Variants in AEN observed in about 807,000 individuals in gnomAD.
The protein encoded by AEN is apoptosis-enhancing nuclease.
In AEN, 21 loss-of-function variants were observed where a neutral mutation model predicts 17.7. The observed-to-expected ratio is 1.19, with a 90% CI of 0.84 to 1.71. The LOEUF (loss-of-function observed/expected upper bound fraction) is 1.71, where lower values mean the gene tolerates loss of function less well. Ranked by LOEUF, AEN falls within the 40% of genes most tolerant of loss-of-function variation. The pLI, the probability that AEN is intolerant of heterozygous loss-of-function variation, is 0.00. For synonymous variants in AEN, 190 were observed against 173.0 expected, an observed-to-expected ratio of 1.10 and a Z score of -0.77; for missense variants, 462 against 435.9, an observed-to-expected ratio of 1.06 and a Z score of -0.53.
intron 2 of AEN, chr15:88,627,540 G>A (rs2057870627): frequency 6.7e-6 from 1 of 148,292 alleles, no homozygotes; most frequent in Admixed American, 6.8e-5. Flanking sequence ...ACTTTACCTT[G>A]AAAAAGACCT....
At chr15:88,605,296 A>G in the AEN span, among the ~76,000 whole-genome samples, 1 of 152,218 alleles carries the variant, frequency 6.6e-6, no homozygotes, top group Non-Finnish European at 1.5e-5. The surrounding 1 kb of genome is among the most constrained non-coding windows in gnomAD (Gnocchi z 7.6). Context: ...ACGGCCCCAC[A>G]GCCTCGCGGG....
chr15:88,622,838 T>C (rs1165199767), intron 1 of AEN, among the ~76,000 whole-genome samples: 1 of 152,238 alleles, frequency 6.6e-6, no homozygotes, highest in East Asian at 1.9e-4. Context: ...AAACAGGTAC[T>C]GAGTATAAAA....
In AEN at chr15:88,631,498, G is replaced by A. The variant is rs888796097; in HGVS notation, c.*1204G>A. 9.6e-5 allele frequency: 21 copies of A among 219,438 alleles called. No homozygotes were observed. Among genetic ancestry groups the A allele is most frequent in the Middle Eastern group, 2.0e-3 (1 of 490 alleles). 13.6% of individuals were successfully genotyped at this position (219,438 alleles called of 1,614,324 possible). A position where few individuals can be genotyped will look rare whatever the true frequency, so the allele number is the denominator to read the frequency against. On this transcript the variant is annotated 3_prime_UTR_variant, in exon 4 of 4. Coordinates refer to ENST00000332810, the MANE Select transcript of AEN (RefSeq NM_022767.4). ...CTTAGCTTTGAGATACTAAGCAAGC[G>A]AGGGACTTCACTCTTGAGGCTGTTT...
Position 88,626,720 on chromosome 15 carries a change from G to T in AEN, c.511G>T (p.Ala171Ser). 6.2e-7 allele frequency: 1 copy of T among 1,611,492 alleles called. No homozygotes were observed. Among genetic ancestry groups the T allele is most frequent in the Non-Finnish European group, 8.5e-7 (1 of 1,179,994 alleles). The change falls in exon 2 of 4, where the codon GCT (alanine) becomes TCT (serine). Residue 171 changes from alanine to serine, a missense_variant. By Grantham distance (99) the Ala-to-Ser change is moderately conservative (BLOSUM62 1). Transcript: ENST00000332810. ...SGITRQHMRK[A>S]VPFQVAQKEI... ...CATCACTCGGCAGCACATGCGCAAG[G>T]CTGTCCCCTTCCAGGTGGCCCAGAA...
At position 88,630,501 on chromosome 15, in the gene AEN, T is replaced by G. The variant is rs3743474; in HGVS notation, c.*207T>G. 1 of 581,088 alleles carries G rather than the reference T, an allele frequency of 1.7e-6. No homozygotes were observed. The highest frequency in any genetic ancestry group is 2.9e-5 in the East Asian group (1 of 34,796). The allele number at this position is 581,088 out of a possible 1,614,324, so 36.0% of individuals were successfully genotyped here. On this transcript the variant is annotated 3_prime_UTR_variant, in exon 4 of 4. Transcript: ENST00000332810. This position sits in a 1 kb window ranked among gnomAD's most constrained non-coding sequence, Gnocchi z 5.1. The stretch of plus-strand genomic sequence containing the variant: ...CTCTCCAGGGCTGTTGGTTCTTTCT[T>G]CTGACTCCTGTGGTTTTGCTAATGG...
intron 3 of AEN, among the ~76,000 whole-genome samples, chr15:88,629,696 C>T (rs2057902640): frequency 1.3e-5 from 2 of 152,228 alleles, no homozygotes; most frequent in Admixed American, 6.5e-5. Context: ...CCCTCCCTAA[C>T]TCTTGGTTCT....
chr15:88,607,931 C>G, the AEN span, among the ~76,000 whole-genome samples: 24 of 152,206 alleles, frequency 1.6e-4, no homozygotes, highest in Middle Eastern at 3.4e-3. Flanking sequence ...GCTTTTTGTA[C>G]TTTTCTTCCC....
rs1392058628 is a variant in AEN at position 88,629,346 on chromosome 15, C to T, written c.661C>T (p.Leu221Phe). The change falls in exon 3 of 4, where the codon CTC (leucine) becomes TTC (phenylalanine). Residue 221 changes from leucine (L) to phenylalanine (F), a missense_variant. Transcript: ENST00000332810. ...GGATACGACCTATGTCCCAAACTTC[C>T]TCAGCGAGCCCGGCCTCCACACCCG... ...TRDTTYVPNF[L>F]SEPGLHTRAR... The T allele has an allele frequency of 5.6e-6, 9 of 1,614,160 alleles. No homozygotes were observed. The highest frequency in any genetic ancestry group is 1.1e-5 in the South Asian group (1 of 91,086).
upstream of AEN, among the ~76,000 whole-genome samples, chr15:88,617,734 T>G (rs1190975648): frequency 6.6e-6 from 1 of 152,088 alleles, no homozygotes; most frequent in East Asian, 1.9e-4. Flanking sequence ...TTCCCCTCTA[T>G]GGCGATTCCC....
the AEN span, among the ~76,000 whole-genome samples, chr15:88,611,238 A>G: frequency 6.6e-6 from 1 of 152,058 alleles, no homozygotes; most frequent in Non-Finnish European, 1.5e-5. Flanking sequence ...ATGATTAGTA[A>G]AGGAAAGAGA....
In AEN at chr15:88,629,263, A is replaced by T; in HGVS notation, c.578A>T (p.His193Leu). ...CTGAAGGGCAAGGTGGTGGTGGGGCACGCGCTGCACAACGACTTCCAGGCG... is the reference window on the plus strand; with the variant it reads ...CTGAAGGGCAAGGTGGTGGTGGGGCTCGCGCTGCACAACGACTTCCAGGCG... The part of the protein sequence containing the change: ...KLLKGKVVVG[H>L]ALHNDFQALK... Residue 193 changes from histidine (H) to leucine (L), a missense_variant, in exon 3 of 4, where the codon CAC (histidine) becomes CTC (leucine). Transcript: ENST00000332810. 1 of 1,614,072 alleles carries T rather than the reference A, an allele frequency of 6.2e-7. No homozygotes were observed. The highest frequency in any genetic ancestry group is 8.5e-7 in the Non-Finnish European group (1 of 1,179,994).
intron 3 of AEN, 117 bp downstream of exon 3, chr15:88,629,543 T>A: frequency 1.6e-6 from 2 of 1,251,724 alleles, no homozygotes; most frequent in Non-Finnish European, 2.2e-6. Flanking sequence ...TCTTCCCTAG[T>A]CCAGGTCCAG....
At chr15:88,614,312 C>T in the AEN span, among the ~76,000 whole-genome samples, 3 of 151,930 alleles carry the variant, frequency 2.0e-5, no homozygotes, top group African/African-American at 7.3e-5. Flanking sequence ...CAATTCTCCT[C>T]CCTCAGCCTC....
At position 88,629,371 on chromosome 15, in the gene AEN, G is replaced by C; in HGVS notation, c.686G>C (p.Arg229Pro). Residue 229 changes from arginine (R) to proline (P), a missense_variant, in exon 3 of 4, where the codon CGG becomes CCG. By Grantham distance (103) the Arg-to-Pro change is moderately radical. Transcript: ENST00000332810. ...NFLSEPGLHT[R>P]ARVSLKDLAL... ...CTCAGCGAGCCCGGCCTCCACACCC[G>C]GGCCCGGGTCTCTCTAAAGGACCTG... 6.2e-7 allele frequency: 1 copy of C among 1,614,034 alleles called. No homozygotes were observed. Among genetic ancestry groups the C allele is most frequent in the African/African-American group, 1.3e-5 (1 of 75,014 alleles).
the AEN span, chr15:88,607,984 T>C: frequency 2.8e-6 from 1 of 350,912 alleles, no homozygotes; most frequent in South Asian, 2.6e-5. Flanking sequence ...GCAGCTATCA[T>C]TGATCACATC....
At chr15:88,609,837 C>T in the AEN span, among the ~76,000 whole-genome samples, 1 of 152,198 alleles carries the variant, frequency 6.6e-6, no homozygotes, top group Non-Finnish European at 1.5e-5. Context: ...CTGTTCACAC[C>T]TCACAATCCT....
chr15:88,626,986 A>C, intron 2 of AEN: 1 of 534,446 alleles, frequency 1.9e-6, no homozygotes, highest in South Asian at 2.5e-5. Context: ...GGCTACACCA[A>C]CTGTAAGGTG....
At chr15:88,613,692 A>G in the AEN span, among the ~76,000 whole-genome samples, 2 of 152,094 alleles carry the variant, frequency 1.3e-5, no homozygotes. Context: ...GCCAGTTTCA[A>G]TCTTGGCTCC....
At chr15:88,629,014 G>C in intron 2 of AEN, 1 of 582,528 alleles carries the variant, frequency 1.7e-6, no homozygotes, top group South Asian at 2.0e-5. Context: ...AGGTGCAGAA[G>C]ACATAGGTAT....
Sources: gnomAD v4.1 joint callset for allele counts (sites outside exome capture counted in the v4.1 genomes callset) on GRCh38, gnomAD v4.1.1 for gene constraint, Gnocchi (gnomAD v3.1) non-coding constraint, MANE v1.5 for transcripts, NCBI Gene and HGNC (gene_info 2026-07-23, HGNC 2026-07-21) for gene names.